FAM169A: variants seen among roughly 807,000 people sequenced by gnomAD.
FAM169A encodes family with sequence similarity 169 member A, also known as soluble lamin-associated protein of 75 kDa.
A neutral mutation model predicts 75.7 loss-of-function variants in FAM169A; 24 were observed. That is an observed-to-expected ratio of 0.32 (90% confidence interval 0.23 to 0.45). The LOEUF is 0.45. FAM169A is among the 20% of genes least tolerant of loss of function. The pLI, the probability that FAM169A is intolerant of heterozygous loss-of-function variation, is 1.00. For synonymous variants in FAM169A, 271 were observed against 271.0 expected (o/e 1.00, Z 0.00); for missense variants, 673 against 784.0 (o/e 0.86, Z 1.69).
intron 5 of FAM169A, among the ~76,000 whole-genome samples, chr5:74,826,436 G>T (rs1438313479): frequency 6.6e-6 from 1 of 152,098 alleles, no homozygotes; most frequent in South Asian, 2.1e-4. Flanking sequence ...TTTCCTAGGG[G>T]AACCATTTAT....
At chr5:74,801,387 G>C (rs1188971439) in intron 9 of FAM169A, among the ~76,000 whole-genome samples, 1 of 152,154 alleles carries the variant, frequency 6.6e-6, no homozygotes, top group Non-Finnish European at 1.5e-5. Context: ...ACAAGGAAGA[G>C]AGAGGTACAA....
chr5:74,841,473 T>C, intron 2 of FAM169A, 72 bp downstream of exon 2: 1 of 1,200,244 alleles, frequency 8.3e-7, no homozygotes, highest in East Asian at 2.6e-5. Context: ...ATGATTTTTT[T>C]AAAAAAGGAT....
At chr5:74,801,719 T>A in intron 8 of FAM169A, 90 bp from the exon 9 acceptor site, 2 of 968,142 alleles carry the variant, frequency 2.1e-6, no homozygotes, top group Non-Finnish European at 1.6e-6. Context: ...GAAAAACTTG[T>A]AAAATGTTTT....
intron 1 of FAM169A, among the ~76,000 whole-genome samples, chr5:74,857,747 A>G (rs1476680827): frequency 6.6e-6 from 1 of 152,168 alleles, no homozygotes; most frequent in African/African-American, 2.4e-5. Flanking sequence ...ACAGTGCATG[A>G]AAACATGACC....
chr5:74,836,877 G>A (rs1038770418), intron 4 of FAM169A, among the ~76,000 whole-genome samples: 2 of 151,822 alleles, frequency 1.3e-5, no homozygotes, highest in African/African-American at 4.8e-5. Context: ...GAACCCGGGA[G>A]GCAGAGGTTG....
intron 7 of FAM169A, 33 bp from the exon 8 acceptor site, chr5:74,804,638 G>A (rs958002194): frequency 1.1e-5 from 14 of 1,234,702 alleles, no homozygotes; most frequent in African/African-American, 1.5e-5. Context: ...AACTGTAACC[G>A]AATCAGTATT....
intron 11 of FAM169A, among the ~76,000 whole-genome samples, chr5:74,790,868 T>C (rs1745939737): frequency 6.6e-6 from 1 of 152,168 alleles, no homozygotes; most frequent in Admixed American, 6.5e-5. Context: ...GGCAGGTTGA[T>C]TACACTGGAC....
chr5:74,825,356 C>T (rs1747969741), intron 5 of FAM169A, among the ~76,000 whole-genome samples: 1 of 152,154 alleles, frequency 6.6e-6, no homozygotes, highest in Non-Finnish European at 1.5e-5. Flanking sequence ...AATGCAGTAG[C>T]CACTAGTCAC....
At chr5:74,808,598 C>T (rs1747010024) in intron 6 of FAM169A, among the ~76,000 whole-genome samples, 1 of 152,134 alleles carries the variant, frequency 6.6e-6, no homozygotes, top group Non-Finnish European at 1.5e-5. Flanking sequence ...AGCCACTGAA[C>T]TGTTCACCTA....
In FAM169A at chr5:74,781,332, G is replaced by A; in HGVS notation, c.*128C>T. 4 of 739,914 alleles carry A rather than the reference G, an allele frequency of 5.4e-6. No homozygotes were observed. The highest frequency in any genetic ancestry group is 8.7e-6 in the Non-Finnish European group (4 of 457,290). 45.8% of individuals were successfully genotyped at this position (739,914 alleles called of 1,614,324 possible). A position where few individuals can be genotyped will look rare whatever the true frequency, so the allele number is the denominator to read the frequency against. ...CTAAAGGGAAGCAAAAAACTGCATA[G>A]TAAGTAAGTTCAAATTGAAATTTTG... On this transcript the variant is annotated 3_prime_UTR_variant, in exon 13 of 13. Transcript: ENST00000687041.
rs183870015 is a variant in FAM169A at position 74,845,387 on chromosome 5, G to A, written c.-3-3708C>T. Among the ~76,000 whole-genome samples the A allele has an allele frequency of 4.0e-3, 610 of 152,092 alleles. 2 individuals carry two copies. Among genetic ancestry groups the A allele is most frequent in the African/African-American group, 0.014 (586 of 41,490 alleles). ...CAAAAAATTAGCCGGGCGTGGTAGT[G>A]CGTGTCTGTAGTCCCAGCTACTCAA... On this transcript the variant is annotated intron_variant, in intron 1 of 12. Coordinates refer to ENST00000687041, the MANE Select transcript of FAM169A (RefSeq NM_001376049.1).
chr5:74,781,926 A>G lies in FAM169A; in HGVS notation c.1547T>C (p.Leu516Pro). The change falls in exon 13 of 13, where the codon CTA (leucine) becomes CCA (proline). Residue 516 changes from leucine (L) to proline (P), a missense_variant. Around this residue, in one of 3 missense-constraint regions of FAM169A, gnomAD observed 510 missense variants for 550.9 expected, o/e 0.93. Coordinates refer to ENST00000687041, the MANE Select transcript of FAM169A (RefSeq NM_001376049.1). ...AAGATGTGCTTTCTTTCTTGGAAGT[A>G]GGGACAATTTCTCTTCCATGTGCCC... ...EKGHMEEKLS[L>P]LPRKKAHLGS... The G allele has an allele frequency of 6.2e-7, 1 of 1,613,996 alleles. No individual in the cohort carries two copies. Among genetic ancestry groups the G allele is most frequent in the Non-Finnish European group, 8.5e-7 (1 of 1,179,880 alleles).
Position 74,781,952 on chromosome 5 carries a change from C to G in FAM169A, c.1521G>C (p.Lys507Asn), listed in dbSNP as rs759604131. ...GGGACAATTTCTCTTCCATGTGCCC[C>G]TTTTCATCAGATGTGCCTTCATCCA... ...MLMDEGTSDE[K>N]GHMEEKLSLL... The change falls in exon 13 of 13, where the codon AAG (lysine) becomes AAC (asparagine). Residue 507 changes from lysine (K) to asparagine (N), a missense_variant. Lys to Asn is a moderately conservative substitution (Grantham distance 94). Transcript: ENST00000687041. 3.7e-6 allele frequency: 6 copies of G among 1,614,038 alleles called. No homozygotes were observed. Among genetic ancestry groups the G allele is most frequent in the Non-Finnish European group, 4.2e-6 (5 of 1,179,970 alleles).
At chr5:74,799,453 A>C in intron 10 of FAM169A, 1 of 1,612,494 alleles carries the variant, frequency 6.2e-7, no homozygotes, top group Non-Finnish European at 8.5e-7. Context: ...GCATCCCAAC[A>C]ATGTTTTGCT....
At chr5:74,856,436 T>G (rs1031309055) in intron 1 of FAM169A, among the ~76,000 whole-genome samples, 7 of 152,224 alleles carry the variant, frequency 4.6e-5, no homozygotes, top group African/African-American at 1.7e-4. Context: ...CTTTCCATTT[T>G]TTATGTACTC....
chr5:74,817,923 C>T (rs1342286543), intron 5 of FAM169A, among the ~76,000 whole-genome samples: 8 of 152,066 alleles, frequency 5.3e-5, no homozygotes, highest in Non-Finnish European at 1.0e-4. Context: ...ATATATTTAA[C>T]GAATGCTGCT....
At chr5:74,805,438 A>G in intron 6 of FAM169A, among the ~76,000 whole-genome samples, 154 bp from the exon 7 acceptor site, 1 of 151,918 alleles carries the variant, frequency 6.6e-6, no homozygotes, top group Admixed American at 6.6e-5. Context: ...CAGTAGTTTC[A>G]TTTATAAATA....
In FAM169A at chr5:74,834,432, G is replaced by C; in HGVS notation, c.484C>G (p.Pro162Ala). Residue 162 changes from proline to alanine, a missense_variant, in exon 5 of 13, where the codon CCT (proline) becomes GCT (alanine). Pro to Ala is a conservative substitution (Grantham distance 27). Coordinates refer to ENST00000687041, the MANE Select transcript of FAM169A (RefSeq NM_001376049.1). ...ATAACTTTTAAAGACTCACCTGTAG[G>C]CTTAACTGAATAAAACCCAATGGCC... ...GEAIGFYSVK[P>A]TGSICASFLT... 1 of 1,503,826 alleles carries C rather than the reference G, an allele frequency of 6.6e-7. No homozygotes were observed. Among genetic ancestry groups the C allele is most frequent in the Non-Finnish European group, 8.9e-7 (1 of 1,121,436 alleles). 93.2% of individuals were successfully genotyped at this position (1,503,826 alleles called of 1,614,324 possible). A position where few individuals can be genotyped will look rare whatever the true frequency, so the allele number is the denominator to read the frequency against.
At chr5:74,814,821 G>A (rs1459608168) in intron 5 of FAM169A, among the ~76,000 whole-genome samples, 14 of 152,268 alleles carry the variant, frequency 9.2e-5, no homozygotes, top group African/African-American at 2.6e-4. Context: ...TTGAGGGAAC[G>A]TGGTGGTGTG....
Sources: allele counts gnomAD v4.1 joint callset (sites outside exome capture counted in the v4.1 genomes callset), GRCh38; gene constraint gnomAD v4.1.1; regional missense constraint gnomAD v4.1.1; transcripts MANE v1.5; gene names NCBI Gene and HGNC (gene_info 2026-07-23, HGNC 2026-07-21).